Variants in PTPN13 observed in about 807,000 individuals in gnomAD.
The protein encoded by PTPN13 is protein tyrosine phosphatase non-receptor type 13, also known as tyrosine-protein phosphatase non-receptor type 13.
Under a neutral mutation model 284.0 loss-of-function variants are expected in PTPN13, and 191 were observed. The ratio of observed to expected loss-of-function variants is 0.67; its 90% CI spans 0.60 to 0.76. The LOEUF is 0.76. Among genes scored for constraint, PTPN13 ranks in the 30% least tolerant of loss-of-function variants. The pLI, the probability that PTPN13 is intolerant of heterozygous loss-of-function variation, is 0.00. For missense variants in PTPN13, 2,797 were observed against 2,939.9 expected (o/e 0.95, Z 1.12); for synonymous variants, 986 against 1,022.3 (o/e 0.96, Z 0.68).
chr4:86,682,341 C>T (rs1054027516), intron 3 of PTPN13, among the ~76,000 whole-genome samples: 10 of 151,876 alleles, frequency 6.6e-5, no homozygotes, highest in Non-Finnish European at 1.2e-4. Flanking sequence ...CCGTAAGGTA[C>T]GGATGGACCA....
chr4:86,609,536 G>A (rs1214783854), intron 1 of PTPN13, among the ~76,000 whole-genome samples: 1 of 152,120 alleles, frequency 6.6e-6, no homozygotes, highest in African/African-American at 2.4e-5. Flanking sequence ...GTGAAACTTT[G>A]TATGTACCCT....
intron 10 of PTPN13, among the ~76,000 whole-genome samples, chr4:86,732,160 G>C (rs1735018615): frequency 6.6e-6 from 1 of 152,080 alleles, no homozygotes; most frequent in Admixed American, 6.6e-5. Context: ...ATCAATAGTA[G>C]AAAACAAAGA....
intron 7 of PTPN13, among the ~76,000 whole-genome samples, chr4:86,710,611 A>T (rs921084538): frequency 2.0e-5 from 3 of 152,170 alleles, no homozygotes; most frequent in African/African-American, 7.2e-5. Context: ...AAAAGTGCTA[A>T]TTGTGTTAAG....
chr4:86,596,354 G>T (rs969933143), intron 1 of PTPN13, among the ~76,000 whole-genome samples: 1 of 152,142 alleles, frequency 6.6e-6, no homozygotes, highest in Non-Finnish European at 1.5e-5. Context: ...ATATTTTGGA[G>T]GGTGATTACC....
chr4:86,605,534 G>C (rs1764672000), intron 1 of PTPN13, among the ~76,000 whole-genome samples: 1 of 151,848 alleles, frequency 6.6e-6, no homozygotes, highest in Admixed American at 6.6e-5. Context: ...CTAGGTAGAG[G>C]TATTCATTTT....
chr4:86,814,781 T>C lies in PTPN13; in HGVS notation c.*230T>C, dbSNP rs940206098. The C allele has an allele frequency of 2.1e-5, 9 of 429,124 alleles. No individual in the cohort carries two copies. The South Asian group carries it at 3.6e-4, about 17-fold the overall frequency. The allele number at this position is 429,124 out of a possible 1,614,324, so 26.6% of individuals were successfully genotyped here. A position where few individuals can be genotyped will look rare whatever the true frequency, so the allele number is the denominator to read the frequency against. ...CAAAATTTTAACACTAACCAAACAA[T>C]GCAGATCTTAGGGATGATTAAAGGC... On this transcript the variant is annotated 3_prime_UTR_variant, in exon 48 of 48. Coordinates refer to ENST00000411767, the MANE Select transcript of PTPN13 (RefSeq NM_080683.3).
chr4:86,654,579 T>C (rs1725511054), intron 2 of PTPN13, among the ~76,000 whole-genome samples: 1 of 152,224 alleles, frequency 6.6e-6, no homozygotes, highest in African/African-American at 2.4e-5. Context: ...TAATCCTGAG[T>C]TCTAGTTTGA....
At chr4:86,694,526 C>T (rs544636386) in intron 6 of PTPN13, among the ~76,000 whole-genome samples, 15 of 136,096 alleles carry the variant, frequency 1.1e-4, no homozygotes, top group African/African-American at 3.4e-4. Flanking sequence ...TGCAGTTAGC[C>T]GAGATCACAC....
In PTPN13 at chr4:86,705,238, G is replaced by T. The variant is rs1731618399; in HGVS notation, c.1195+3437G>T. Among the ~76,000 whole-genome samples, 2 of 149,720 alleles carry T rather than the reference G, an allele frequency of 1.3e-5. 1 individual carries two copies. Among genetic ancestry groups the T allele is most frequent in the South Asian group, 4.2e-4 (2 of 4,774 alleles). Reference sequence around the variant, plus strand: ...AGTCCCAGCTATTCAGGAGGCTGAGGCAGGAGAATCACTTGAACCTATGAG... The same window carrying T: ...AGTCCCAGCTATTCAGGAGGCTGAGTCAGGAGAATCACTTGAACCTATGAG... On this transcript the variant is annotated intron_variant, in intron 7 of 47. Coordinates refer to ENST00000411767, the MANE Select transcript of PTPN13 (RefSeq NM_080683.3).
intron 41 of PTPN13, among the ~76,000 whole-genome samples, chr4:86,797,212 C>A (rs1743442050): frequency 6.6e-6 from 1 of 151,624 alleles, no homozygotes; most frequent in Admixed American, 6.6e-5. Context: ...ATACAAGAAC[C>A]CAGGCATGGT....
chr4:86,664,667 G>C (rs1726865313), intron 2 of PTPN13, among the ~76,000 whole-genome samples: 1 of 152,164 alleles, frequency 6.6e-6, no homozygotes, highest in East Asian at 1.9e-4. Flanking sequence ...ATTTTGGCAT[G>C]TAATTTTGGG....
At chr4:86,745,248 G>A (rs1378128974) in intron 17 of PTPN13, 120 bp downstream of exon 17, 2 of 918,746 alleles carry the variant, frequency 2.2e-6, no homozygotes, top group African/African-American at 3.4e-5. Flanking sequence ...ATGTTAAATA[G>A]CTAAATCAAG....
intron 42 of PTPN13, among the ~76,000 whole-genome samples, chr4:86,802,589 G>A (rs1744158387): frequency 6.6e-6 from 1 of 152,108 alleles, no homozygotes; most frequent in African/African-American, 2.4e-5. Context: ...GCTGGGTGTG[G>A]GAGTGTGCTA....
At chr4:86,627,882 A>G (rs532686713) in intron 1 of PTPN13, among the ~76,000 whole-genome samples, 6 of 152,308 alleles carry the variant, frequency 3.9e-5, no homozygotes, top group African/African-American at 1.4e-4. Flanking sequence ...ATGTTGTCAC[A>G]TGTATCAGTA....
chr4:86,767,007 C>A (rs1213011286), intron 27 of PTPN13, among the ~76,000 whole-genome samples: 5 of 151,988 alleles, frequency 3.3e-5, no homozygotes, highest in African/African-American at 1.2e-4. Flanking sequence ...GCAACCTTGA[C>A]TTCCCAGGCT....
rs770904020 is a variant in PTPN13 at position 86,734,828 on chromosome 4, C to G, written c.2104C>G (p.Leu702Val). The G allele has an allele frequency of 6.2e-7, 1 of 1,613,422 alleles. No individual in the cohort carries two copies. Among genetic ancestry groups the G allele is most frequent in the Non-Finnish European group, 8.5e-7 (1 of 1,179,498 alleles). Residue 702 changes from leucine to valine, a missense_variant, in exon 14 of 48, where the codon CTG becomes GTG. Physicochemically the swap from Leu to Val is conservative, Grantham distance 32. Coordinates refer to ENST00000411767, the MANE Select transcript of PTPN13 (RefSeq NM_080683.3). ...MHCDDETSLL[L>V]ASLALQAEYG... ...CTGTGATGATGAGACTTCCTTATTG[C>G]TGGCATCCTTGGCTCTCCAGGCTGA...
chr4:86,807,694 T>C lies in PTPN13; in HGVS notation c.6880T>C (p.Trp2294Arg). Reference sequence around the variant, plus strand: ...ACTGCCTACAACTGTTGGAGACTTCTGGCAGATGATTTGGGAGCAAAAATC... The same window carrying C: ...ACTGCCTACAACTGTTGGAGACTTCCGGCAGATGATTTGGGAGCAAAAATC... ...GPLPTTVGDF[W>R]QMIWEQKSTV... is the part of the protein sequence containing the mutation. Residue 2294 changes from tryptophan to arginine, a missense_variant, in exon 45 of 48, where the codon TGG becomes CGG. Physicochemically the swap from Trp to Arg is moderately radical, Grantham distance 101 (BLOSUM62 -3). Transcript: ENST00000411767. 1 of 1,614,040 alleles carries C rather than the reference T, an allele frequency of 6.2e-7. No homozygotes were observed. Among genetic ancestry groups the C allele is most frequent in the Non-Finnish European group, 8.5e-7 (1 of 1,179,896 alleles).
intron 17 of PTPN13, among the ~76,000 whole-genome samples, chr4:86,746,865 C>T (rs529785674): frequency 3.3e-5 from 5 of 152,200 alleles, no homozygotes; most frequent in Admixed American, 6.5e-5. Flanking sequence ...TCCTGACCTT[C>T]GTGATCTGCC....
At chr4:86,609,970 A>G (rs1440051116) in intron 1 of PTPN13, among the ~76,000 whole-genome samples, 2 of 152,184 alleles carry the variant, frequency 1.3e-5, no homozygotes, top group African/African-American at 4.8e-5. Context: ...TGGCTTAAGT[A>G]TGAATACTAA....
Sources: gnomAD v4.1 joint callset for allele counts (sites outside exome capture counted in the v4.1 genomes callset) on GRCh38, gnomAD v4.1.1 for gene constraint, MANE v1.5 for transcripts, NCBI Gene and HGNC (gene_info 2026-07-23, HGNC 2026-07-21) for gene names.